Variants in NTM observed in about 807,000 individuals in gnomAD.
NTM encodes the protein IgLON family member 2.
In NTM, 13 loss-of-function variants were observed where a neutral mutation model predicts 42.1. The observed-to-expected ratio is 0.31, with a 90% CI of 0.20 to 0.49. NTM has a LOEUF of 0.49. Ranked by LOEUF, NTM falls within the 20% of genes least tolerant of loss-of-function variation. The probability of loss-of-function intolerance (pLI) is 0.99; values close to 1 mark genes in which losing one functional copy is unlikely to be tolerated. For missense variants in NTM, 373 were observed against 452.8 expected (o/e 0.82, Z 1.60); for synonymous variants, 187 against 179.2 (o/e 1.04, Z -0.35).
chr11:131,469,737 G>T (rs1193673097), intron 1 of NTM, among the ~76,000 whole-genome samples: 2 of 152,136 alleles, frequency 1.3e-5, no homozygotes, highest in East Asian at 3.9e-4. Flanking sequence ...CTATAAAGTA[G>T]AAAAATGATC....
intron 2 of NTM, among the ~76,000 whole-genome samples, chr11:131,994,845 C>A (rs2067696453): frequency 6.6e-6 from 1 of 152,158 alleles, no homozygotes; most frequent in Non-Finnish European, 1.5e-5. Flanking sequence ...GACTCTGTAT[C>A]CAACTTCATA....
chr11:131,926,782 T>A (rs2058013533), intron 2 of NTM, among the ~76,000 whole-genome samples: 1 of 152,210 alleles, frequency 6.6e-6, no homozygotes, highest in African/African-American at 2.4e-5. Context: ...CAACCCATAT[T>A]TGATGTGTCA....
chr11:131,572,593 G>A (rs1239181365), intron 1 of NTM, among the ~76,000 whole-genome samples: 5 of 152,072 alleles, frequency 3.3e-5, no homozygotes, highest in Non-Finnish European at 5.9e-5. Flanking sequence ...GGATGACTGT[G>A]CGCGCATTGA....
chr11:131,923,384 T>C (rs902560811), intron 2 of NTM, among the ~76,000 whole-genome samples: 4 of 152,186 alleles, frequency 2.6e-5, no homozygotes, highest in Non-Finnish European at 4.4e-5. Context: ...ATAGTGAAAT[T>C]ATTTATCTTT....
intron 4 of NTM, among the ~76,000 whole-genome samples, chr11:132,300,054 A>G (rs1047354059): frequency 1.3e-5 from 2 of 152,162 alleles, no homozygotes; most frequent in African/African-American, 2.4e-5. Context: ...ATGAGAAATT[A>G]TATTTATTAT....
At chr11:131,518,183 T>C (rs575646345) in intron 1 of NTM, among the ~76,000 whole-genome samples, 1 of 152,196 alleles carries the variant, frequency 6.6e-6, no homozygotes, top group Non-Finnish European at 1.5e-5. Context: ...CCTGTCCTAG[T>C]GGAGCTTATA....
intron 2 of NTM, among the ~76,000 whole-genome samples, chr11:132,096,532 T>C (rs955893290): frequency 2.0e-5 from 3 of 152,202 alleles, no homozygotes; most frequent in Non-Finnish European, 2.9e-5. Flanking sequence ...GTATTACTTA[T>C]AATATTCGCC....
chr11:132,249,507 A>G, intron 4 of NTM, among the ~76,000 whole-genome samples: 1 of 152,296 alleles, frequency 6.6e-6, no homozygotes, highest in East Asian at 1.9e-4. Context: ...TGATGCCCAG[A>G]AGGACTGGCG....
At chr11:131,996,894 A>G (rs1428339384) in intron 2 of NTM, among the ~76,000 whole-genome samples, 1 of 152,084 alleles carries the variant, frequency 6.6e-6, no homozygotes, top group Non-Finnish European at 1.5e-5. Flanking sequence ...GCCCCTCTAG[A>G]TGGAGGGAAA....
At chr11:132,010,030 T>C (rs1028396259) in intron 2 of NTM, among the ~76,000 whole-genome samples, 1 of 152,114 alleles carries the variant, frequency 6.6e-6, no homozygotes, top group Non-Finnish European at 1.5e-5. Context: ...GTGAAGAAAA[T>C]GGACAGACAA....
chr11:131,665,598 A>G (rs991262358), intron 1 of NTM, among the ~76,000 whole-genome samples: 2 of 152,226 alleles, frequency 1.3e-5, no homozygotes, highest in African/African-American at 4.8e-5. Context: ...GGAAACTGAC[A>G]CTGCTGACAC....
At chr11:131,412,394 T>G (rs1946516920) in intron 1 of NTM, among the ~76,000 whole-genome samples, 1 of 152,198 alleles carries the variant, frequency 6.6e-6, no homozygotes, top group African/African-American at 2.4e-5. Context: ...AACTAAGGAA[T>G]GGGATGGAAA....
chr11:132,243,962 T>C (rs1246973885), intron 4 of NTM, among the ~76,000 whole-genome samples: 2 of 152,200 alleles, frequency 1.3e-5, no homozygotes, highest in African/African-American at 4.8e-5. Flanking sequence ...GGTTCATTTT[T>C]GTCTCCGCCG....
At chr11:131,909,330 T>G (rs2054336789) in intron 1 of NTM, among the ~76,000 whole-genome samples, 1 of 152,226 alleles carries the variant, frequency 6.6e-6, no homozygotes, top group African/African-American at 2.4e-5. Context: ...TGATTGGTAC[T>G]GCTCGAAGGT....
chr11:131,385,526 C>T (rs1447127568), intron 1 of NTM, among the ~76,000 whole-genome samples: 5 of 152,004 alleles, frequency 3.3e-5, no homozygotes, highest in Non-Finnish European at 5.9e-5. Context: ...TAAAGTGATG[C>T]AACCACAGTG....
chr11:132,139,261 G>C (rs1486997017), intron 2 of NTM, among the ~76,000 whole-genome samples: 1 of 152,188 alleles, frequency 6.6e-6, no homozygotes, highest in Non-Finnish European at 1.5e-5. Context: ...ACCTTGCCCA[G>C]GTTACCTTTT....
intron 1 of NTM, among the ~76,000 whole-genome samples, chr11:131,859,287 AC>A (rs1182156284): frequency 5.9e-5 from 9 of 152,190 alleles, no homozygotes; most frequent in Non-Finnish European, 7.3e-5. Context: ...AAAAAATAAA[AC>A]TTTTGAAAAT....
chr11:131,552,216 A>T (rs965070905), intron 1 of NTM, among the ~76,000 whole-genome samples: 5 of 152,134 alleles, frequency 3.3e-5, no homozygotes, highest in Admixed American at 2.0e-4. Flanking sequence ...ACAGAAAATA[A>T]CCCTGCCAAC....
intron 4 of NTM, among the ~76,000 whole-genome samples, chr11:132,260,751 G>A (rs115204357): frequency 0.027 from 4,167 of 152,284 alleles, 206 homozygotes; most frequent in African/African-American, 0.094. Context: ...GAAAGCCTTC[G>A]TCTCCGGGGC....
Sources: allele counts gnomAD v4.1 joint callset (sites outside exome capture counted in the v4.1 genomes callset), GRCh38; gene constraint gnomAD v4.1.1; transcripts MANE v1.5; gene names NCBI Gene and HGNC (gene_info 2026-07-23, HGNC 2026-07-21).